The following RAPGEF6 variants were observed in gnomAD, a reference collection of about 807,000 sequenced individuals.
RAPGEF6 encodes the protein Rap guanine nucleotide exchange factor 6, also known as PDZ domain containing guanine nucleotide exchange factor (GEF) 2.
In RAPGEF6, 56 loss-of-function variants were observed where a neutral mutation model predicts 171.4. The ratio of observed to expected loss-of-function variants is 0.33; its 90% CI spans 0.26 to 0.41. The LOEUF (loss-of-function observed/expected upper bound fraction) is 0.41. Ranked by LOEUF, RAPGEF6 falls within the 10% of genes least tolerant of loss-of-function variation. The pLI, the probability that RAPGEF6 is intolerant of heterozygous loss-of-function variation, is 1.00. For synonymous variants in RAPGEF6, 692 were observed against 650.1 expected (o/e 1.06, Z -0.98); for missense variants, 1,674 against 1,921.4 (o/e 0.87, Z 2.41).
chr5:131,538,397 T>G (rs939273025), intron 6 of RAPGEF6, among the ~76,000 whole-genome samples: 3 of 152,200 alleles, frequency 2.0e-5, no homozygotes, highest in Admixed American at 1.3e-4. Context: ...CTGCTCAGCA[T>G]GTTACTCTAC....
At chr5:131,480,049 T>C (rs1755366254) in intron 15 of RAPGEF6, among the ~76,000 whole-genome samples, 1 of 151,914 alleles carries the variant, frequency 6.6e-6, no homozygotes, top group Admixed American at 6.6e-5. Flanking sequence ...AAAACAGAGG[T>C]TCCTATTTAG....
intron 4 of RAPGEF6, among the ~76,000 whole-genome samples, chr5:131,583,929 GAA>G (rs1763104321): frequency 6.6e-6 from 1 of 152,180 alleles, no homozygotes; most frequent in Non-Finnish European, 1.5e-5. Context: ...AGCTGAATGA[GAA>G]AAGAGTACAT....
chr5:131,455,683 T>C, intron 20 of RAPGEF6, 118 bp downstream of exon 20: 1 of 805,406 alleles, frequency 1.2e-6, no homozygotes, highest in South Asian at 1.8e-5. Flanking sequence ...AGAAAAATGG[T>C]AAAATAGTGT....
chr5:131,505,296 G>C, intron 10 of RAPGEF6, 68 bp downstream of exon 10: 1 of 1,492,492 alleles, frequency 6.7e-7, no homozygotes, highest in Non-Finnish European at 9.2e-7. Context: ...TTCTTTTGAG[G>C]AAGACAAAAC....
intron 6 of RAPGEF6, among the ~76,000 whole-genome samples, chr5:131,534,871 G>C (rs1656457673): frequency 6.6e-6 from 1 of 152,018 alleles, no homozygotes; most frequent in Non-Finnish European, 1.5e-5. Context: ...TTCATGTATA[G>C]TACCAACAGA....
At chr5:131,590,691 A>G (rs1301214602) in intron 4 of RAPGEF6, among the ~76,000 whole-genome samples, 1 of 152,164 alleles carries the variant, frequency 6.6e-6, no homozygotes, top group Non-Finnish European at 1.5e-5. Context: ...AATGCATACC[A>G]TGATTTTTCT....
At chr5:131,634,814 G>C (rs1392839196) in intron 1 of RAPGEF6, 148 bp downstream of exon 1, 1 of 940,778 alleles carries the variant, frequency 1.1e-6, no homozygotes, top group African/African-American at 1.6e-5. Flanking sequence ...GGCGACAAGG[G>C]CCTGGGTCAG....
intron 4 of RAPGEF6, among the ~76,000 whole-genome samples, chr5:131,585,752 T>G (rs1278583067): frequency 6.6e-5 from 10 of 151,906 alleles, no homozygotes; most frequent in African/African-American, 2.4e-5. Context: ...CTTGAACCCA[T>G]GAGGTGGAGG....
chr5:131,479,765 A>C lies in RAPGEF6; in HGVS notation c.1841-12T>G, dbSNP rs1272602015. 3.1e-6 allele frequency: 5 copies of C among 1,601,106 alleles called. No homozygotes were observed. In the South Asian group the frequency reaches 5.6e-5, roughly 18 times the overall value. ...TAACTCTTTGAACACTGTGGAAATA[A>C]AACAAATGCGTCATTTTATTTCTTC... On this transcript the variant is annotated splice_polypyrimidine_tract_variant and intron_variant, in intron 15 of 27. Transcript: ENST00000509018.
At chr5:131,556,284 CAA>C in intron 5 of RAPGEF6, among the ~76,000 whole-genome samples, 1 of 152,204 alleles carries the variant, frequency 6.6e-6, no homozygotes, top group Middle Eastern at 3.4e-3. Context: ...ACTAAAAATA[CAA>C]AAATTAGCTG....
In RAPGEF6 at chr5:131,456,444, CT is replaced by C. The variant is rs199708110; in HGVS notation, c.2865-433del. On this transcript the variant is annotated intron_variant, in intron 19 of 27. Coordinates refer to ENST00000509018, the MANE Select transcript of RAPGEF6 (RefSeq NM_016340.6). Reference sequence around the variant, plus strand: ...GAGCTAATTCTGCACCTTAGGAAGCCTTTTTTTTCCTGCGATTTTGTTCACT... The same window carrying C: ...GAGCTAATTCTGCACCTTAGGAAGCCTTTTTTTCCTGCGATTTTGTTCACT... 3.4e-3 allele frequency among the ~76,000 whole-genome samples: 515 copies of C among 152,004 alleles called. 2 individuals are homozygous for C. The highest frequency in any genetic ancestry group is 0.012 in the African/African-American group (492 of 41,452).
intron 21 of RAPGEF6, among the ~76,000 whole-genome samples, chr5:131,452,775 TTTAAAGAA>T (rs1753192256): frequency 1.3e-5 from 2 of 152,106 alleles, no homozygotes; most frequent in Non-Finnish European, 2.9e-5. Flanking sequence ...CTGCTGATGT[TTTAAAGAA>T]CAATAATACA....
chr5:131,428,102 CAACA>C (rs1382105340), intron 27 of RAPGEF6, among the ~76,000 whole-genome samples: 1 of 151,792 alleles, frequency 6.6e-6, no homozygotes, highest in Non-Finnish European at 1.5e-5. Context: ...GACCTTGTCT[CAACA>C]AACAAACAAC....
intron 1 of RAPGEF6, among the ~76,000 whole-genome samples, chr5:131,623,025 C>T: frequency 6.6e-6 from 1 of 150,684 alleles, no homozygotes; most frequent in South Asian, 2.1e-4. Flanking sequence ...CCAGCTCCTT[C>T]TTTAACTTTT....
chr5:131,561,079 G>A (rs1201634988), intron 5 of RAPGEF6, among the ~76,000 whole-genome samples: 3 of 151,722 alleles, frequency 2.0e-5, no homozygotes, highest in African/African-American at 7.3e-5. Context: ...TTAGAACAAC[G>A]TAAAAAGCAA....
chr5:131,550,879 C>G (rs1760879357), intron 5 of RAPGEF6, among the ~76,000 whole-genome samples: 1 of 152,180 alleles, frequency 6.6e-6, no homozygotes, highest in East Asian at 1.9e-4. Flanking sequence ...CTAGTTCAAC[C>G]AATCCCTCCT....
Position 131,433,380 on chromosome 5 carries a change from T to C in RAPGEF6, c.3974+50A>G, listed in dbSNP as rs200360949. 881 of 1,529,176 alleles carry C rather than the reference T, an allele frequency of 5.8e-4. 6 individuals carry two copies. The highest frequency in any genetic ancestry group is 7.5e-5 in the Non-Finnish European group (83 of 1,104,354). The allele number at this position is 1,529,176 out of a possible 1,614,324, so 94.7% of individuals were successfully genotyped here. On this transcript the variant is annotated intron_variant, in intron 25 of 27. Coordinates refer to ENST00000509018, the MANE Select transcript of RAPGEF6 (RefSeq NM_016340.6). ...TCAAGGTGGGGAGCACTCCTTGCAG[T>C]GGCCACTTGGCTTGGGTTTTGTGTT...
intron 8 of RAPGEF6, 98 bp from the exon 9 acceptor site, chr5:131,508,305 T>A (rs1757499072): frequency 8.3e-7 from 1 of 1,208,696 alleles, no homozygotes; most frequent in Non-Finnish European, 1.1e-6. Flanking sequence ...CACAATCAAC[T>A]TATAAATTTA....
chr5:131,628,616 A>G (rs1344566154), intron 1 of RAPGEF6, among the ~76,000 whole-genome samples: 1 of 152,200 alleles, frequency 6.6e-6, no homozygotes, highest in East Asian at 1.9e-4. Flanking sequence ...TTATATCAGA[A>G]GAAGATGCCA....
Sources: allele counts gnomAD v4.1 joint callset (sites outside exome capture counted in the v4.1 genomes callset), GRCh38; gene constraint gnomAD v4.1.1; transcripts MANE v1.5; gene names NCBI Gene and HGNC (gene_info 2026-07-23, HGNC 2026-07-21).